Variants in SLC7A6 observed in about 807,000 individuals in gnomAD.
SLC7A6 encodes solute carrier family 7 member 6.
SLC7A6 carries 29 observed loss-of-function variants against 46.6 expected under a neutral mutation model. That is an observed-to-expected ratio of 0.62 (90% confidence interval 0.46 to 0.85). SLC7A6 has a LOEUF of 0.85. SLC7A6 is among the 40% of genes least tolerant of loss of function. The pLI, the probability that SLC7A6 is intolerant of heterozygous loss-of-function variation, is 0.00. For missense variants in SLC7A6, 527 were observed against 647.6 expected (o/e 0.81, Z 2.02); for synonymous variants, 276 against 257.3 (o/e 1.07, Z -0.70).
chr16:68,293,657 T>G (rs927553994), intron 7 of SLC7A6, among the ~76,000 whole-genome samples: 1 of 152,160 alleles, frequency 6.6e-6, no homozygotes, highest in African/African-American at 2.4e-5. Flanking sequence ...TCACACAGCT[T>G]GTCCTGGGGC....
At chr16:68,278,966 G>A (rs528185366) in intron 3 of SLC7A6, among the ~76,000 whole-genome samples, 60 of 152,212 alleles carry the variant, frequency 3.9e-4, no homozygotes, top group Non-Finnish European at 7.2e-4. Context: ...CGGACAGGGC[G>A]GCTGGCCGGG....
At chr16:68,271,300 A>C (rs1228491669) in intron 2 of SLC7A6, among the ~76,000 whole-genome samples, 1 of 151,792 alleles carries the variant, frequency 6.6e-6, no homozygotes, top group East Asian at 1.9e-4. Context: ...CTCCCATTTT[A>C]TTTGTGCTTT....
chr16:68,285,821 A>G (rs1230265988), intron 3 of SLC7A6, among the ~76,000 whole-genome samples: 1 of 152,098 alleles, frequency 6.6e-6, no homozygotes, highest in Non-Finnish European at 1.5e-5. Context: ...GTGGCCAGGC[A>G]TAGTGGCTCA....
chr16:68,280,119 G>A (rs1020911618), intron 3 of SLC7A6, among the ~76,000 whole-genome samples: 8 of 152,196 alleles, frequency 5.3e-5, no homozygotes, highest in African/African-American at 1.9e-4. Context: ...GCGGCAGTGG[G>A]AACAACGTGG....
chr16:68,267,211 T>G (rs2042549594), intron 2 of SLC7A6, among the ~76,000 whole-genome samples: 1 of 144,076 alleles, frequency 6.9e-6, no homozygotes, highest in African/African-American at 2.6e-5. Context: ...GGTGGATTTT[T>G]TTTTTTTTTT....
At chr16:68,286,562 T>G (rs1056698605) in intron 3 of SLC7A6, among the ~76,000 whole-genome samples, 1 of 152,210 alleles carries the variant, frequency 6.6e-6, no homozygotes, top group African/African-American at 2.4e-5. Context: ...ATAAAAGTTC[T>G]GTTTTTGTAT....
At chr16:68,288,427 G>C (rs1263917500) in intron 4 of SLC7A6, among the ~76,000 whole-genome samples, 1 of 152,186 alleles carries the variant, frequency 6.6e-6, no homozygotes, top group African/African-American at 2.4e-5. Context: ...GCTTTAGAAA[G>C]CTTTTCATTC....
intron 7 of SLC7A6, among the ~76,000 whole-genome samples, chr16:68,292,989 G>C (rs550502046): frequency 6.6e-6 from 1 of 152,326 alleles, no homozygotes; most frequent in South Asian, 2.1e-4. Context: ...TTTGCCATGT[G>C]AACACACAGA....
At chr16:68,291,710 T>C (rs1222577892) in intron 7 of SLC7A6, 49 bp downstream of exon 7, 3 of 1,539,860 alleles carry the variant, frequency 1.9e-6, no homozygotes, top group Non-Finnish European at 2.7e-6. Flanking sequence ...TTTCATTCTC[T>C]GGGGCTTAGG....
chr16:68,275,456 G>A (rs1484729316), intron 3 of SLC7A6, among the ~76,000 whole-genome samples: 12 of 152,070 alleles, frequency 7.9e-5, no homozygotes, highest in Admixed American at 2.6e-4. Context: ...ATAGCTGGGC[G>A]TGGTGGTGCA....
intron 1 of SLC7A6, among the ~76,000 whole-genome samples, chr16:68,266,389 A>T (rs1567579010): frequency 1.3e-5 from 2 of 152,142 alleles, no homozygotes; most frequent in Admixed American, 6.6e-5. Flanking sequence ...CTTCAGTTAT[A>T]CCCACCCTGT....
At chr16:68,270,279 G>A (rs187666642) in intron 2 of SLC7A6, among the ~76,000 whole-genome samples, 5 of 152,152 alleles carry the variant, frequency 3.3e-5, no homozygotes, top group Admixed American at 3.3e-4. Flanking sequence ...CCTTTTCCCA[G>A]GAGAAAGACA....
At chr16:68,288,700 T>C (rs562229049) in intron 4 of SLC7A6, among the ~76,000 whole-genome samples, 1 of 152,248 alleles carries the variant, frequency 6.6e-6, no homozygotes, top group South Asian at 2.1e-4. Context: ...GCACGGTGGC[T>C]CACGCCTGTA....
At chr16:68,271,881 A>C (rs1398000135) in intron 2 of SLC7A6, among the ~76,000 whole-genome samples, 1 of 151,670 alleles carries the variant, frequency 6.6e-6, no homozygotes, top group Non-Finnish European at 1.5e-5. Flanking sequence ...GGCTCACTGC[A>C]ACCTCCGCCT....
At chr16:68,291,039 G>A in intron 5 of SLC7A6, 170 bp from the exon 6 acceptor site, 1 of 733,696 alleles carries the variant, frequency 1.4e-6, no homozygotes, top group South Asian at 1.6e-5. Context: ...AGAGAAAGTT[G>A]GGTCTTTCTC....
chr16:68,289,305 A>G (rs1278100533), intron 4 of SLC7A6, among the ~76,000 whole-genome samples: 1 of 152,114 alleles, frequency 6.6e-6, no homozygotes, highest in Non-Finnish European at 1.5e-5. Context: ...AAAAACAGAA[A>G]AAGAAAAAGA....
At position 68,291,746 on chromosome 16, in the gene SLC7A6, T is replaced by C. The variant is rs948733679; in HGVS notation, c.1022+85T>C. On this transcript the variant is annotated intron_variant, in intron 7 of 10. Coordinates refer to ENST00000219343, the MANE Select transcript of SLC7A6 (RefSeq NM_003983.6). Reference sequence around the variant, plus strand: ...CATAAGAGTTCCTTTTTTCCCTCCTTCTCATGGGCATATAGGGTGTGTGTG... The same window carrying C: ...CATAAGAGTTCCTTTTTTCCCTCCTCCTCATGGGCATATAGGGTGTGTGTG... 2.8e-6 allele frequency: 3 copies of C among 1,052,752 alleles called. No homozygotes were observed. The African/African-American group carries it at 4.8e-5, about 17-fold the overall frequency. 65.2% of individuals were successfully genotyped at this position (1,052,752 alleles called of 1,614,324 possible). A position where few individuals can be genotyped will look rare whatever the true frequency, so the allele number is the denominator to read the frequency against.
In SLC7A6 at chr16:68,289,050, G is replaced by A. The variant is rs139212774; in HGVS notation, c.649+1179G>A. The stretch of plus-strand genomic sequence containing the variant: ...TGTAATCTCAGCACTCTGGGAGGCC[G>A]GGAGGCTGAGGCAGATGGATCACCT... On this transcript the variant is annotated intron_variant, in intron 4 of 10. Coordinates refer to ENST00000219343, the MANE Select transcript of SLC7A6 (RefSeq NM_003983.6). Among the ~76,000 whole-genome samples, 517 of 151,754 alleles carry A rather than the reference G, an allele frequency of 3.4e-3. 2 individuals are homozygous for A. The highest frequency in any genetic ancestry group is 0.012 in the African/African-American group (479 of 41,358).
chr16:68,283,609 T>A (rs551475183), intron 3 of SLC7A6, among the ~76,000 whole-genome samples: 1 of 85,746 alleles, frequency 1.2e-5, no homozygotes, highest in South Asian at 3.2e-4. Flanking sequence ...TAGAGGAAGA[T>A]AACTAGCCAT....
Sources: gnomAD v4.1 joint callset for allele counts (sites outside exome capture counted in the v4.1 genomes callset) on GRCh38, gnomAD v4.1.1 for gene constraint, MANE v1.5 for transcripts, NCBI Gene and HGNC (gene_info 2026-07-23, HGNC 2026-07-21) for gene names.